Variants in ANKRD24 observed in about 807,000 individuals in gnomAD.
ANKRD24 encodes ankyrin repeat domain 24, also known as ankyrin repeat domain-containing protein 24.
Under a neutral mutation model 127.8 loss-of-function variants are expected in ANKRD24, and 109 were observed. The observed-to-expected ratio is 0.85, with a 90% CI of 0.73 to 1.00. The LOEUF is 1.00. ANKRD24 is among the 50% of genes least tolerant of loss of function. The probability of loss-of-function intolerance (pLI) is 0.00; values close to 1 mark genes in which losing one functional copy is unlikely to be tolerated. For missense variants in ANKRD24, 1,648 were observed against 1,570.2 expected (o/e 1.05, Z -0.84); for synonymous variants, 743 against 671.1 (o/e 1.11, Z -1.66).
In ANKRD24 at chr19:4,216,303, C is replaced by T. The variant is rs1456763454; in HGVS notation, c.1290C>T (p.Ser430=). The T allele has an allele frequency of 6.4e-7, 1 of 1,556,494 alleles. No individual in the cohort carries two copies. Among genetic ancestry groups the T allele is most frequent in the Non-Finnish European group, 8.7e-7 (1 of 1,149,880 alleles). Residue 430 remains serine, a synonymous_variant, in exon 17 of 22, where the codon TCC becomes TCT. Transcript: ENST00000318934. ...PDLPGAEVLL[S]RQLSPSAQEH... Reference sequence around the variant, plus strand: ...CTCCAGGGGCCGAGGTGCTGCTGTCCAGACAACTCAGTCCGTCGGCCCAGG... The same window carrying T: ...CTCCAGGGGCCGAGGTGCTGCTGTCTAGACAACTCAGTCCGTCGGCCCAGG...
At position 4,195,431 on chromosome 19, in the gene ANKRD24, T is replaced by C. The variant is rs1253426285; in HGVS notation, c.37-4252T>C. ...ACAAGTGTAGGAGACAGTTGGAAAC[T>C]GAAGCCCTGAGCTGGGAGATCCGTT... is the stretch of plus-strand genomic sequence containing the variant. On this transcript the variant is annotated intron_variant, in intron 2 of 21. Transcript: ENST00000318934. The surrounding 1 kb of genome is among the most constrained non-coding windows in gnomAD (Gnocchi z 4.2). Among the ~76,000 whole-genome samples the C allele has an allele frequency of 6.6e-6, 1 of 152,116 alleles. No individual in the cohort carries two copies. Among genetic ancestry groups the C allele is most frequent in the African/African-American group, 2.4e-5 (1 of 41,428 alleles).
In ANKRD24 at chr19:4,216,331, C is replaced by T; in HGVS notation, c.1318C>T (p.His440Tyr). ...ACAACTCAGTCCGTCGGCCCAGGAA[C>T]ACCTGGCCTCGCTGCAGGAACAGGT... ...SRQLSPSAQE[H>Y]LASLQEQVAV... Residue 440 changes from histidine (H) to tyrosine (Y), a missense_variant, in exon 17 of 22, where the codon CAC (histidine) becomes TAC (tyrosine). Transcript: ENST00000318934. 3 of 1,568,268 alleles carry T rather than the reference C, an allele frequency of 1.9e-6. No individual in the cohort carries two copies. In the South Asian group the frequency reaches 3.5e-5, roughly 18 times the overall value.
chr19:4,210,187 CG>C (rs776647984), intron 12 of ANKRD24, 49 bp downstream of exon 12: 9 of 1,568,686 alleles, frequency 5.7e-6, no homozygotes, highest in African/African-American at 5.4e-5. Context: ...CCCCCAGGCA[CG>C]GGGAGGGGCT....
At chr19:4,210,006 T>A in intron 11 of ANKRD24, 52 bp from the exon 12 acceptor site, 1 of 1,115,596 alleles carries the variant, frequency 9.0e-7, no homozygotes, top group Non-Finnish European at 1.3e-6. Flanking sequence ...TGGGGGAGGC[T>A]GGCATGGCCC....
At chr19:4,187,669 C>T in intron 2 of ANKRD24, among the ~76,000 whole-genome samples, 1 of 152,202 alleles carries the variant, frequency 6.6e-6, no homozygotes, top group East Asian at 1.9e-4. Flanking sequence ...GAGGGCTCAC[C>T]TCCAGGGACA....
At chr19:4,214,386 C>T (rs1480124367) in intron 15 of ANKRD24, among the ~76,000 whole-genome samples, 3 of 152,122 alleles carry the variant, frequency 2.0e-5, no homozygotes, top group African/African-American at 4.8e-5. Context: ...AGTCTGGTCT[C>T]GAACTCCTGG....
At chr19:4,213,511 A>G (rs1599451106) in intron 15 of ANKRD24, among the ~76,000 whole-genome samples, 1 of 131,722 alleles carries the variant, frequency 7.6e-6, no homozygotes, top group African/African-American at 3.0e-5. Flanking sequence ...GCTGGGATGC[A>G]ATGGTGTGAT....
At chr19:4,191,168 G>A (rs955052133) in intron 2 of ANKRD24, among the ~76,000 whole-genome samples, 2 of 152,308 alleles carry the variant, frequency 1.3e-5, no homozygotes, top group Middle Eastern at 3.4e-3. Flanking sequence ...GGAAGCTGCA[G>A]GGCCTCCATC....
intron 7 of ANKRD24, 138 bp from the exon 8 acceptor site, chr19:4,207,101 TTTG>T (rs1362060633): frequency 2.3e-4 from 125 of 543,714 alleles, no homozygotes; most frequent in South Asian, 7.9e-4. Flanking sequence ...TTTTTTTTTT[TTTG>T]TAGAGACAGG....
rs1281945506 is a variant in ANKRD24, at chr19:4,199,718, G to A, written c.72G>A (p.Pro24=). The A allele has an allele frequency of 1.6e-5, 24 of 1,538,062 alleles. No individual in the cohort carries two copies. Among genetic ancestry groups the A allele is most frequent in the Admixed American group, 9.9e-5 (5 of 50,554 alleles). The change falls in exon 3 of 22, where the codon CCG becomes CCA. Residue 24 remains proline, a synonymous_variant. Coordinates refer to ENST00000318934, the MANE Select transcript of ANKRD24 (RefSeq NM_001393985.1). The surrounding 1 kb of genome is among the most constrained non-coding windows in gnomAD (Gnocchi z 5.2). Reference sequence around the variant, plus strand: ...GCCCCACTGACCTTGGCTCCTGCCCGCCCTGCGGCCCCTGCCCCATCCCGA... The same window carrying A: ...GCCCCACTGACCTTGGCTCCTGCCCACCCTGCGGCCCCTGCCCCATCCCGA... ...RLSPTDLGSC[P]PCGPCPIPKP...
At chr19:4,190,690 G>A (rs1599395387) in intron 2 of ANKRD24, among the ~76,000 whole-genome samples, 2 of 151,830 alleles carry the variant, frequency 1.3e-5, no homozygotes, top group Admixed American at 6.6e-5. Flanking sequence ...CCGAGATCAC[G>A]CCATTGCACG....
intron 2 of ANKRD24, 129 bp downstream of exon 2, chr19:4,186,590 A>T: frequency 9.1e-7 from 1 of 1,094,482 alleles, no homozygotes; most frequent in Non-Finnish European, 1.3e-6. Flanking sequence ...GCTGCCCCCT[A>T]GCGTCATGAC....
At chr19:4,213,456 CTT>C (rs769606619) in intron 15 of ANKRD24, among the ~76,000 whole-genome samples, 9 of 118,640 alleles carry the variant, frequency 7.6e-5, no homozygotes, top group African/African-American at 7.0e-5. Flanking sequence ...ATCCTTCCTT[CTT>C]TTTTTTTTTT....
intron 15 of ANKRD24, among the ~76,000 whole-genome samples, chr19:4,214,107 ACC>A (rs1969922488): frequency 1.3e-5 from 2 of 152,212 alleles, no homozygotes; most frequent in South Asian, 4.2e-4. Flanking sequence ...TTGCACGTGC[ACC>A]CGTCTTGTGC....
intron 7 of ANKRD24, among the ~76,000 whole-genome samples, chr19:4,206,262 A>G (rs1283190958): frequency 6.6e-6 from 1 of 151,854 alleles, no homozygotes; most frequent in African/African-American, 2.4e-5. Context: ...TGGGAGCCAG[A>G]GGCAGGAGGA....
chr19:4,216,096 G>C (rs1970050892), intron 16 of ANKRD24, 46 bp downstream of exon 16: 1 of 1,545,544 alleles, frequency 6.5e-7, no homozygotes, highest in East Asian at 2.4e-5. Context: ...TTGTCCCCTG[G>C]GGCCCTGGAA....
In ANKRD24 at chr19:4,212,611, A is replaced by G; in HGVS notation, c.1110A>G (p.Leu370=). ...ACTGCTGCTCCCAGGTGCAAGAGCT[A>G]CAGCAGTTGCTGGTGGAGAGACAAG... is the stretch of plus-strand genomic sequence containing the variant. ...LHILERQVQE[L]QQLLVERQEE... is the part of the protein sequence containing the mutation. Residue 370 remains leucine (L), a synonymous_variant, in exon 15 of 22, where the codon CTA becomes CTG. Transcript: ENST00000318934. 6.4e-7 allele frequency: 1 copy of G among 1,551,150 alleles called. No individual in the cohort carries two copies. The highest frequency in any genetic ancestry group is 8.7e-7 in the Non-Finnish European group (1 of 1,147,048).
Position 4,216,918 on chromosome 19 carries a change from C to T in ANKRD24, c.1758C>T (p.Ala586=). The T allele has an allele frequency of 6.2e-7, 1 of 1,610,220 alleles. No individual in the cohort carries two copies. The highest frequency in any genetic ancestry group is 1.1e-5 in the South Asian group (1 of 90,472). Residue 586 remains alanine (A), a synonymous_variant, in exon 18 of 22, where the codon GCC becomes GCT. Transcript: ENST00000318934. ...AAGCTGAGGCCACGGGAGCCGAGGC[C>T]ACGGGAGCTGAGGCCACAGGAGCCA... ...TMEAEATGAE[A]TGAEATGAKV...
Position 4,207,252 on chromosome 19 carries a change from CTG to C in ANKRD24, c.479_480del (p.Cys160SerfsTer11). ...TTTTCTCTTTTGCAGCGGCTGGTGG[CTG>C]TCTCTCCTGCTCAGAGGTGCTCTGC... ...TALHHAAAGG[C>X]LSCSEVLCSF... is the part of the protein sequence containing the mutation. On this transcript the variant is annotated frameshift_variant, in exon 8 of 22. Transcript: ENST00000318934. LOFTEE classifies it high-confidence loss of function. 6.2e-7 allele frequency: 1 copy of C among 1,613,808 alleles called. No homozygotes were observed. Among genetic ancestry groups the C allele is most frequent in the Admixed American group, 1.7e-5 (1 of 60,002 alleles).
Sources: gnomAD v4.1 joint callset for allele counts (sites outside exome capture counted in the v4.1 genomes callset) on GRCh38, gnomAD v4.1.1 for gene constraint, Gnocchi (gnomAD v3.1) non-coding constraint, MANE v1.5 for transcripts, NCBI Gene and HGNC (gene_info 2026-07-23, HGNC 2026-07-21) for gene names.